DCTN6: variants seen among roughly 807,000 people sequenced by gnomAD.
DCTN6 encodes the protein dynactin 6.
A neutral mutation model predicts 25.8 loss-of-function variants in DCTN6; 15 were observed. The observed-to-expected ratio is 0.58, with a 90% CI of 0.39 to 0.89. The LOEUF (loss-of-function observed/expected upper bound fraction) is 0.89, where lower values mean the gene tolerates loss of function less well. Ranked by LOEUF, DCTN6 falls within the 40% of genes least tolerant of loss-of-function variation. DCTN6 has a pLI of 0.00. For synonymous variants in DCTN6, 64 were observed against 78.3 expected (o/e 0.82, Z 0.96); for missense variants, 198 against 237.6 (o/e 0.83, Z 1.09).
chr8:30,172,451 CA>C (rs1368659838), intron 2 of DCTN6, among the ~76,000 whole-genome samples: 2 of 103,278 alleles, frequency 1.9e-5, no homozygotes, highest in Non-Finnish European at 4.9e-5. Context: ...GTGATATTTA[CA>C]AATTTTTTTT....
Position 30,175,085 on chromosome 8 carries a change from G to A in DCTN6, c.89G>A (p.Gly30Glu). ...ESEIRGDVTI[G>E]PRTVIHPKAR... The stretch of plus-strand genomic sequence containing the variant: ...TTTCTTCTCAAACTATTTTTAACAG[G>A]ACCTCGGACAGTGATCCACCCTAAA... Residue 30 changes from glycine (G) to glutamate (E), a missense_variant and splice_region_variant, in exon 3 of 7, where the codon GGA becomes GAA. Gly to Glu is a moderately conservative substitution (Grantham distance 98, BLOSUM62 -2). Transcript: ENST00000221114. 6.2e-7 allele frequency: 1 copy of A among 1,613,840 alleles called. No individual in the cohort carries two copies. The highest frequency in any genetic ancestry group is 8.5e-7 in the Non-Finnish European group (1 of 1,179,886).
At chr8:30,156,794 G>T (rs1012058500) in intron 1 of DCTN6, among the ~76,000 whole-genome samples, 1 of 152,100 alleles carries the variant, frequency 6.6e-6, no homozygotes, top group Non-Finnish European at 1.5e-5. Flanking sequence ...CCACGGCTTG[G>T]CGCTGGATTC....
intron 1 of DCTN6, among the ~76,000 whole-genome samples, chr8:30,159,539 T>C (rs1280925509): frequency 6.6e-6 from 1 of 152,186 alleles, no homozygotes; most frequent in Non-Finnish European, 1.5e-5. Flanking sequence ...AGAACTCTCT[T>C]ATGAGCTTCA....
At chr8:30,178,805 C>A (rs1030820909) in intron 4 of DCTN6, among the ~76,000 whole-genome samples, 3 of 152,026 alleles carry the variant, frequency 2.0e-5, no homozygotes, top group Non-Finnish European at 2.9e-5. Context: ...ATTATAGGTG[C>A]ACACCACCGT....
At chr8:30,174,962 G>A in intron 2 of DCTN6, 123 bp from the exon 3 acceptor site, 1 of 810,914 alleles carries the variant, frequency 1.2e-6, no homozygotes, top group Non-Finnish European at 2.0e-6. Context: ...TACCTAGCTT[G>A]GTGCCTGGCA....
At chr8:30,158,679 T>C (rs1468101396) in intron 1 of DCTN6, among the ~76,000 whole-genome samples, 1 of 151,328 alleles carries the variant, frequency 6.6e-6, no homozygotes, top group Admixed American at 6.6e-5. Flanking sequence ...GCTACATATT[T>C]TCTGTTATTT....
intron 1 of DCTN6, 135 bp downstream of exon 1, chr8:30,156,541 T>A: frequency 1.0e-6 from 1 of 971,332 alleles, no homozygotes; most frequent in Non-Finnish European, 1.6e-6. Flanking sequence ...AGCCCAGACC[T>A]GGCGTCCACT....
intron 2 of DCTN6, among the ~76,000 whole-genome samples, chr8:30,168,313 GTTATA>G (rs566500028): frequency 7.4e-4 from 112 of 152,210 alleles, no homozygotes; most frequent in African/African-American, 2.6e-3. Context: ...TTTTGTCATT[GTTATA>G]TTTGGTATAA....
intron 2 of DCTN6, among the ~76,000 whole-genome samples, chr8:30,169,270 G>A (rs1171744184): frequency 6.6e-6 from 1 of 151,854 alleles, no homozygotes; most frequent in Non-Finnish European, 1.5e-5. Context: ...CAAGAAAATT[G>A]TTTAGTTGTC....
At chr8:30,169,780 G>GCTGGGCT in intron 2 of DCTN6, among the ~76,000 whole-genome samples, 1 of 152,260 alleles carries the variant, frequency 6.6e-6, no homozygotes, top group Admixed American at 6.5e-5. Context: ...TGCTTGAGTT[G>GCTGGGCT]CTGGGCTCTG....
At chr8:30,174,995 C>T in intron 2 of DCTN6, 90 bp from the exon 3 acceptor site, 1 of 1,213,038 alleles carries the variant, frequency 8.2e-7, no homozygotes, top group Non-Finnish European at 1.2e-6. Context: ...ATGTTCCTCC[C>T]AACAGCCTCA....
intron 2 of DCTN6, among the ~76,000 whole-genome samples, chr8:30,169,200 G>T (rs1421178131): frequency 2.6e-5 from 4 of 152,178 alleles, no homozygotes; most frequent in Non-Finnish European, 1.5e-5. Flanking sequence ...CAGAACAGTG[G>T]CTTTGACTTG....
chr8:30,160,834 G>A (rs1181325910), intron 1 of DCTN6, among the ~76,000 whole-genome samples: 1 of 152,156 alleles, frequency 6.6e-6, no homozygotes, highest in Non-Finnish European at 1.5e-5. Context: ...GGGTACTGAG[G>A]GATGCGACTG....
At chr8:30,176,146 G>T (rs3808484) in intron 3 of DCTN6, among the ~76,000 whole-genome samples, 1,615 of 152,288 alleles carry the variant, frequency 0.011, 36 homozygotes, top group East Asian at 0.057. Context: ...TTCAAGTTAG[G>T]CATGATTTTG....
intron 1 of DCTN6, among the ~76,000 whole-genome samples, chr8:30,161,937 C>T (rs7837836): frequency 0.8 from 121,019 of 150,842 alleles, 50,192 homozygotes; most frequent in Middle Eastern, 0.92. Context: ...TTAGTAGAGA[C>T]GGGGTTTCAC....
intron 6 of DCTN6, among the ~76,000 whole-genome samples, chr8:30,182,532 A>G (rs866186338): frequency 6.6e-6 from 1 of 151,984 alleles, no homozygotes; most frequent in Middle Eastern, 3.4e-3. Context: ...ATTTCTGTAT[A>G]TTTTTATATA....
At chr8:30,162,902 C>T (rs548566748) in intron 1 of DCTN6, among the ~76,000 whole-genome samples, 2 of 152,148 alleles carry the variant, frequency 1.3e-5, no homozygotes, top group African/African-American at 4.8e-5. Flanking sequence ...TTCTTCCTAC[C>T]TTTACAAAAA....
chr8:30,170,988 T>A (rs997533481), intron 2 of DCTN6, among the ~76,000 whole-genome samples: 22 of 152,296 alleles, frequency 1.4e-4, no homozygotes, highest in East Asian at 3.9e-4. Flanking sequence ...AAAAAATTTT[T>A]AAAAATTTTT....
At chr8:30,157,914 T>C (rs1289629529) in intron 1 of DCTN6, among the ~76,000 whole-genome samples, 1 of 152,104 alleles carries the variant, frequency 6.6e-6, no homozygotes, top group South Asian at 2.1e-4. Flanking sequence ...ATAAATATTA[T>C]GTGCAGTAGA....
Sources: allele counts gnomAD v4.1 joint callset (sites outside exome capture counted in the v4.1 genomes callset), GRCh38; gene constraint gnomAD v4.1.1; transcripts MANE v1.5; gene names NCBI Gene and HGNC (gene_info 2026-07-23, HGNC 2026-07-21).